The following ZNF727 variants were observed in gnomAD, a reference collection of about 807,000 sequenced individuals.
ZNF727 encodes the protein putative zinc finger protein 727.
Under a neutral mutation model 11.5 loss-of-function variants are expected in ZNF727, and 11 were observed. The ratio of observed to expected loss-of-function variants is 0.95; its 90% CI spans 0.60 to 1.58. The LOEUF is 1.58. ZNF727 is among the 40% of genes most tolerant of loss of function. The pLI is 0.00. For missense variants in ZNF727, 533 were observed against 581.7 expected (o/e 0.92, Z 0.86); for synonymous variants, 171 against 196.1 (o/e 0.87, Z 1.07).
At position 64,081,905 on chromosome 7, in the gene ZNF727, T is replaced by A. The variant is rs559867289; in HGVS notation, c.*3356T>A. Among the ~76,000 whole-genome samples the A allele has an allele frequency of 6.6e-6, 1 of 152,194 alleles. No individual in the cohort carries two copies. Among genetic ancestry groups the A allele is most frequent in the African/African-American group, 2.4e-5 (1 of 41,544 alleles). ...GGTTGCTGCCCCACCTCTTTGCCTG[T>A]CTTCTGGTTGCTGCATCTCAGAGAC... is the stretch of plus-strand genomic sequence containing the variant. On this transcript the variant is annotated 3_prime_UTR_variant, in exon 4 of 4. Transcript: ENST00000456806.
chr7:64,056,717 A>T (rs1789691724), intron 1 of ZNF727, among the ~76,000 whole-genome samples: 1 of 152,166 alleles, frequency 6.6e-6, no homozygotes, highest in Non-Finnish European at 1.5e-5. Flanking sequence ...TCCTACAAAA[A>T]ATGTACATCT....
chr7:64,081,986 T>C lies in ZNF727; in HGVS notation c.*3437T>C, dbSNP rs1462544701. ...GACCAGGATGGAGGATCTGTGCTTT[T>C]GGCCAAATTAGGGGTTCACTGGTAA... On this transcript the variant is annotated 3_prime_UTR_variant, in exon 4 of 4. Coordinates refer to ENST00000456806, the MANE Select transcript of ZNF727 (RefSeq NM_001159522.3). Among the ~76,000 whole-genome samples the C allele has an allele frequency of 1.3e-5, 2 of 152,042 alleles. No individual in the cohort carries two copies. The highest frequency in any genetic ancestry group is 4.8e-5 in the African/African-American group (2 of 41,414).
chr7:64,053,683 C>T (rs562893765), intron 1 of ZNF727, among the ~76,000 whole-genome samples: 153 of 152,184 alleles, frequency 1.0e-3, no homozygotes, highest in African/African-American at 3.6e-3. Flanking sequence ...TGCCTGCCAC[C>T]ATCCATGTAA....
In ZNF727 at chr7:64,082,870, G is replaced by C. The variant is rs1785814230; in HGVS notation, c.*4321G>C. Among the ~76,000 whole-genome samples the C allele has an allele frequency of 7.6e-6, 1 of 131,078 alleles. No homozygotes were observed. The highest frequency in any genetic ancestry group is 2.8e-5 in the African/African-American group (1 of 35,674). 86.0% of individuals were successfully genotyped at this position (131,078 alleles called of 152,430 possible). ...GCACTCCAGCCTGGTGAGAGAGCGA[G>C]ACTCCGTCTCAAAAAAAAAAAAGAA... On this transcript the variant is annotated 3_prime_UTR_variant, in exon 4 of 4. Coordinates refer to ENST00000456806, the MANE Select transcript of ZNF727 (RefSeq NM_001159522.3).
intron 1 of ZNF727, among the ~76,000 whole-genome samples, chr7:64,055,509 T>C (rs942355955): frequency 1.3e-5 from 2 of 152,222 alleles, no homozygotes; most frequent in Non-Finnish European, 2.9e-5. Flanking sequence ...CTTTTTGTCT[T>C]GCAAAGTTGA....
rs900840050 is a variant in ZNF727, at chr7:64,083,100, G to A, written c.*4551G>A. ...CCACTGATCAAAGAGCACCTGTGGT[G>A]GTAGCTGGAGACCCTGGTTGGGAAC... On this transcript the variant is annotated 3_prime_UTR_variant, in exon 4 of 4. Transcript: ENST00000456806. Among the ~76,000 whole-genome samples, 2 of 152,202 alleles carry A rather than the reference G, an allele frequency of 1.3e-5. No homozygotes were observed. Among genetic ancestry groups the A allele is most frequent in the Admixed American group, 1.3e-4 (2 of 15,282 alleles).
Position 64,072,129 on chromosome 7 carries a change from A to T in ZNF727, c.226+2520A>T, listed in dbSNP as rs1437721873. Among the ~76,000 whole-genome samples, 3 of 152,208 alleles carry T rather than the reference A, an allele frequency of 2.0e-5. No individual in the cohort carries two copies. In the East Asian group the frequency reaches 5.8e-4, roughly 29 times the overall value. On this transcript the variant is annotated intron_variant, in intron 3 of 3. Coordinates refer to ENST00000456806, the MANE Select transcript of ZNF727 (RefSeq NM_001159522.3). ...CTATTACTTCGAAAAATTGTACTAA[A>T]ATTTTAATAGGGGATTTATTGAATC...
In ZNF727 at chr7:64,078,254, G is replaced by T. The variant is rs1224485410; in HGVS notation, c.1205G>T (p.Gly402Val). 2 of 1,604,598 alleles carry T rather than the reference G, an allele frequency of 1.2e-6. No homozygotes were observed. The highest frequency in any genetic ancestry group is 3.4e-5 in the Admixed American group (2 of 58,548). Reference protein sequence around the residue: ...GEKPYKCEECGKSFTCSSNLI... With the variant: ...GEKPYKCEECVKSFTCSSNLI... ...AAACCCTACAAATGTGAAGAATGTGGCAAAAGCTTTACCTGCTCCTCAAAC... is the reference window on the plus strand; with the variant it reads ...AAACCCTACAAATGTGAAGAATGTGTCAAAAGCTTTACCTGCTCCTCAAAC... The change falls in exon 4 of 4, where the codon GGC (glycine) becomes GTC (valine). Residue 402 changes from glycine to valine, a missense_variant. Around this residue, in one of 3 missense-constraint regions of ZNF727, gnomAD observed 463 missense variants for 494.5 expected, o/e 0.94. Transcript: ENST00000456806.
At chr7:64,049,705 C>A (rs10257979) in intron 1 of ZNF727, among the ~76,000 whole-genome samples, 96,632 of 151,160 alleles carry the variant, frequency 0.64, 31,602 homozygotes, top group Non-Finnish European at 0.71. Flanking sequence ...GTGAAGAAAC[C>A]AAAAATATTT....
intron 1 of ZNF727, among the ~76,000 whole-genome samples, chr7:64,050,537 A>C (rs1257449750): frequency 6.6e-6 from 1 of 152,208 alleles, no homozygotes; most frequent in Non-Finnish European, 1.5e-5. Flanking sequence ...GAAGATGAGA[A>C]AGATAGAAGT....
intron 1 of ZNF727, among the ~76,000 whole-genome samples, chr7:64,052,729 T>C (rs928287077): frequency 6.6e-6 from 1 of 152,190 alleles, no homozygotes; most frequent in African/African-American, 2.4e-5. Context: ...GGAGGGGGGC[T>C]ATACCCTGCA....
rs1785822240 is a variant in ZNF727, at chr7:64,083,325, C to T, written c.*4776C>T. ...CCACTCCTCTTTCTGGTAGCTCCAT[C>T]CCAGGGAGGTACCGTACTGCTACCA... is the stretch of plus-strand genomic sequence containing the variant. On this transcript the variant is annotated 3_prime_UTR_variant, in exon 4 of 4. Transcript: ENST00000456806. Among the ~76,000 whole-genome samples the T allele has an allele frequency of 6.6e-6, 1 of 152,170 alleles. No individual in the cohort carries two copies. The highest frequency in any genetic ancestry group is 2.4e-5 in the African/African-American group (1 of 41,442).
intron 1 of ZNF727, among the ~76,000 whole-genome samples, chr7:64,061,201 G>T (rs1007175218): frequency 6.6e-6 from 1 of 152,090 alleles, no homozygotes; most frequent in African/African-American, 2.4e-5. Context: ...GGTCCATAGT[G>T]CAGATTAAGT....
intron 3 of ZNF727, 140 bp from the exon 4 acceptor site, chr7:64,077,136 A>C (rs183328781): frequency 8.1e-6 from 7 of 862,100 alleles, no homozygotes; most frequent in Non-Finnish European, 1.2e-5. Flanking sequence ...TGTTAAGCTT[A>C]TATGTCTATA....
intron 1 of ZNF727, among the ~76,000 whole-genome samples, chr7:64,045,982 A>C (rs906863159): frequency 5.6e-4 from 85 of 152,108 alleles, no homozygotes; most frequent in African/African-American, 2.0e-3. Flanking sequence ...TGGGGTCCCC[A>C]GTCCCTCCTT....
At chr7:64,071,272 CT>C (rs1789958303) in intron 3 of ZNF727, among the ~76,000 whole-genome samples, 1 of 151,866 alleles carries the variant, frequency 6.6e-6, no homozygotes, top group African/African-American at 2.4e-5. Flanking sequence ...CTTGTCAACA[CT>C]TGTTATAAAT....
intron 3 of ZNF727, among the ~76,000 whole-genome samples, chr7:64,076,409 A>G (rs1327105133): frequency 2.0e-5 from 3 of 152,122 alleles, no homozygotes; most frequent in Non-Finnish European, 4.4e-5. Context: ...TCAGAAGTTC[A>G]AGATTAGCCT....
intron 1 of ZNF727, among the ~76,000 whole-genome samples, chr7:64,048,159 A>G (rs1789537165): frequency 6.6e-6 from 1 of 152,232 alleles, no homozygotes; most frequent in Non-Finnish European, 1.5e-5. Context: ...TTAATTGTAA[A>G]ATGGATTTTA....
intron 1 of ZNF727, 111 bp downstream of exon 1, chr7:64,045,735 G>C (rs1789491349): frequency 7.2e-7 from 1 of 1,397,888 alleles, no homozygotes; most frequent in Non-Finnish European, 9.8e-7. Flanking sequence ...GCAGCTCCGA[G>C]TCCCCGTGGG....
Sources: allele counts gnomAD v4.1 joint callset (sites outside exome capture counted in the v4.1 genomes callset), GRCh38; gene constraint gnomAD v4.1.1; regional missense constraint gnomAD v4.1.1; transcripts MANE v1.5; gene names NCBI Gene and HGNC (gene_info 2026-07-23, HGNC 2026-07-21).